The following RBFOX3 variants were observed in gnomAD, a reference collection of about 807,000 sequenced individuals.
The protein encoded by RBFOX3 is RNA binding fox-1 homolog 3, also known as RNA binding protein fox-1 homolog 3.
A neutral mutation model predicts 48.7 loss-of-function variants in RBFOX3; 17 were observed. That is an observed-to-expected ratio of 0.35 (90% CI 0.24 to 0.52). The LOEUF (loss-of-function observed/expected upper bound fraction) is 0.52. Ranked by LOEUF, RBFOX3 falls within the 20% of genes least tolerant of loss-of-function variation. RBFOX3 has a pLI of 0.94. For missense variants in RBFOX3, 382 were observed against 497.5 expected (o/e 0.77, Z 2.21); for synonymous variants, 212 against 209.5 (o/e 1.01, Z -0.10).
intron 1 of RBFOX3, among the ~76,000 whole-genome samples, chr17:79,542,697 C>T (rs540596460): frequency 7.9e-5 from 12 of 152,224 alleles, no homozygotes; most frequent in Admixed American, 4.6e-4. Context: ...GCAAGAGAAT[C>T]GCTTGAACCC....
chr17:79,479,624 G>A lies in RBFOX3; in HGVS notation c.-175+2830C>T, dbSNP rs199673851. Among the ~76,000 whole-genome samples, 1 of 152,216 alleles carries A rather than the reference G, an allele frequency of 6.6e-6. No homozygotes were observed. Among genetic ancestry groups the A allele is most frequent in the South Asian group, 2.1e-4 (1 of 4,824 alleles). ...AGCTCAGGTCCAAAAGAGCTTGTGGGGTGACCCCACCAACCCTGGACTTCC... is the reference window on the plus strand; with the variant it reads ...AGCTCAGGTCCAAAAGAGCTTGTGGAGTGACCCCACCAACCCTGGACTTCC... On this transcript the variant is annotated intron_variant, in intron 2 of 14. Transcript: ENST00000693108. This position sits in a 1 kb window ranked among gnomAD's most constrained non-coding sequence, Gnocchi z 5.1.
intron 3 of RBFOX3, among the ~76,000 whole-genome samples, chr17:79,286,274 A>T (rs1008877215): frequency 1.3e-5 from 2 of 151,170 alleles, no homozygotes; most frequent in Admixed American, 1.3e-4. Flanking sequence ...CCCCTTAGAG[A>T]GCCTGGTAAT....
intron 1 of RBFOX3, among the ~76,000 whole-genome samples, chr17:79,554,031 G>C (rs1185310423): frequency 6.6e-6 from 1 of 152,176 alleles, no homozygotes; most frequent in Non-Finnish European, 1.5e-5. Context: ...ACTGTGCCTG[G>C]CTGCTTTCTT....
At chr17:79,109,938 T>A (rs1275168497) in intron 5 of RBFOX3, among the ~76,000 whole-genome samples, 1 of 152,116 alleles carries the variant, frequency 6.6e-6, no homozygotes, top group Non-Finnish European at 1.5e-5. Context: ...AGCCATTCTA[T>A]CCCTGCTCAG....
At chr17:79,276,093 C>T (rs376444402) in intron 3 of RBFOX3, among the ~76,000 whole-genome samples, 82 of 152,050 alleles carry the variant, frequency 5.4e-4, no homozygotes, top group African/African-American at 1.5e-3. Context: ...ACCCTGAAGA[C>T]GGTACGCTCA....
At chr17:79,627,096 CA>C in the RBFOX3 span, among the ~76,000 whole-genome samples, 18 of 152,336 alleles carry the variant, frequency 1.2e-4, no homozygotes, top group African/African-American at 4.3e-4. Context: ...TGCCAACAGC[CA>C]CACACGGAGG....
chr17:79,337,255 C>CAA (rs111556977), intron 2 of RBFOX3, among the ~76,000 whole-genome samples: 220 of 149,536 alleles, frequency 1.5e-3, no homozygotes, highest in African/African-American at 5.2e-3. Flanking sequence ...GCTTACCTGA[C>CAA]AAAAAAAAAA....
chr17:79,246,656 C>T (rs1183416826), intron 3 of RBFOX3, among the ~76,000 whole-genome samples: 1 of 152,212 alleles, frequency 6.6e-6, no homozygotes, highest in Non-Finnish European at 1.5e-5. Context: ...ACAGGCACAG[C>T]CGGGATGTCT....
chr17:79,576,570 ATGGAGAAGG>A (rs1399249025), intron 1 of RBFOX3, among the ~76,000 whole-genome samples: 6 of 151,574 alleles, frequency 4.0e-5, no homozygotes, highest in African/African-American at 1.5e-4. Context: ...GATGGAGATG[ATGGAGAAGG>A]TGGAGATCAT....
intron 1 of RBFOX3, among the ~76,000 whole-genome samples, chr17:79,573,209 C>G (rs1451183625): frequency 6.6e-6 from 1 of 152,190 alleles, no homozygotes; most frequent in Non-Finnish European, 1.5e-5. Flanking sequence ...CAGAGCGCAG[C>G]AGCAGAGCCA....
At chr17:79,360,475 C>T (rs1384088199) in intron 2 of RBFOX3, among the ~76,000 whole-genome samples, 1 of 152,200 alleles carries the variant, frequency 6.6e-6, no homozygotes, top group Non-Finnish European at 1.5e-5. Flanking sequence ...TGCAAAGGTG[C>T]CCGCGCTCAG....
At chr17:79,223,748 C>T (rs1040606858) in intron 4 of RBFOX3, among the ~76,000 whole-genome samples, 4 of 152,216 alleles carry the variant, frequency 2.6e-5, no homozygotes, top group Admixed American at 6.5e-5. Flanking sequence ...GAGGCCTGGG[C>T]AGCTGTCCTG....
chr17:79,512,260 G>T (rs1484896165), intron 1 of RBFOX3, among the ~76,000 whole-genome samples: 1 of 139,022 alleles, frequency 7.2e-6, no homozygotes, highest in African/African-American at 2.7e-5. Context: ...CTATAGCCAG[G>T]GGATATACAC....
chr17:79,321,029 C>A (rs2078449694), intron 2 of RBFOX3, among the ~76,000 whole-genome samples: 1 of 152,210 alleles, frequency 6.6e-6, no homozygotes. Context: ...GCCCAAGGGT[C>A]CCAACAGAGC....
At chr17:79,554,572 G>A (rs1223701635) in intron 1 of RBFOX3, among the ~76,000 whole-genome samples, 1 of 152,140 alleles carries the variant, frequency 6.6e-6, no homozygotes, top group African/African-American at 2.4e-5. Context: ...ATTGTGCTGT[G>A]CTGTTTCCAC....
chr17:79,651,122 C>T, the RBFOX3 span, among the ~76,000 whole-genome samples: 6 of 152,220 alleles, frequency 3.9e-5, no homozygotes, highest in African/African-American at 7.2e-5. Flanking sequence ...ACCAAGTCGC[C>T]GGTTTGGTGA....
At chr17:79,446,696 A>C (rs962628449) in intron 2 of RBFOX3, among the ~76,000 whole-genome samples, 7 of 152,230 alleles carry the variant, frequency 4.6e-5, no homozygotes, top group African/African-American at 9.6e-5. Flanking sequence ...CATGCAATTA[A>C]AAGTGGGTAT....
chr17:79,389,757 A>G (rs1357451894), intron 2 of RBFOX3, among the ~76,000 whole-genome samples: 1 of 152,234 alleles, frequency 6.6e-6, no homozygotes, highest in African/African-American at 2.4e-5. Flanking sequence ...TTGGGGAACC[A>G]GTGCTCAGTG....
intron 1 of RBFOX3, among the ~76,000 whole-genome samples, chr17:79,542,754 G>A (rs2150186510): frequency 6.6e-6 from 1 of 152,344 alleles, no homozygotes; most frequent in East Asian, 1.9e-4. Flanking sequence ...CTGCACTCCA[G>A]CCTGGGCAAC....
Sources: allele counts gnomAD v4.1 joint callset (sites outside exome capture counted in the v4.1 genomes callset), GRCh38; gene constraint gnomAD v4.1.1; non-coding constraint Gnocchi (gnomAD v3.1); transcripts MANE v1.5; gene names NCBI Gene and HGNC (gene_info 2026-07-23, HGNC 2026-07-21).